Variants in KRT4 observed in about 807,000 individuals in gnomAD.
The protein encoded by KRT4 is keratin, type II cytoskeletal 4.
Under a neutral mutation model 50.6 loss-of-function variants are expected in KRT4, and 47 were observed. The ratio of observed to expected loss-of-function variants is 0.93; its 90% CI spans 0.73 to 1.18. KRT4 has a LOEUF of 1.18. Among genes scored for constraint, KRT4 ranks in the 50% most tolerant of loss-of-function variants. The pLI is 0.00. For missense variants in KRT4, 651 were observed against 645.7 expected, an observed-to-expected ratio of 1.01 and a Z score of -0.09; for synonymous variants, 254 against 251.2, an observed-to-expected ratio of 1.01 and a Z score of -0.10.
rs1285611738 is a variant in KRT4, at chr12:52,807,691, G to A, written c.1299C>T (p.Asp433=). Residue 433 remains aspartate (D), a synonymous_variant, in exon 7 of 9, where the codon GAC becomes GAT. Transcript: ENST00000551956. ...GTTTGCGGTAGGTGGCGATCTCGAT[G>A]TCCAAGGCCAGCTTCACACTCATGA... is the stretch of plus-strand genomic sequence containing the variant. ...QELMSVKLAL[D]IEIATYRKLL... 6.2e-7 allele frequency: 1 copy of A among 1,614,130 alleles called. No individual in the cohort carries two copies. The highest frequency in any genetic ancestry group is 1.7e-5 in the Admixed American group (1 of 60,022).
rs1371147132 is a variant in KRT4, at chr12:52,813,891, CCT to C, written c.166_167del (p.Arg56GlyfsTer40). On this transcript the variant is annotated frameshift_variant, in exon 1 of 9. Coordinates refer to ENST00000551956, the MANE Select transcript of KRT4 (RefSeq NM_002272.4). LOFTEE classifies it high-confidence loss of function. ...CACTCATGGAGATGCTTTTGTTCCC[CCT>C]GAGGTTGTAGAGGCTTCTGCTGCCA... ...GFGSRSLYNL[R>X]GNKSISMSVA... is the part of the protein sequence containing the mutation. The C allele has an allele frequency of 2.6e-6, 3 of 1,136,426 alleles. No homozygotes were observed. Among genetic ancestry groups the C allele is most frequent in the Non-Finnish European group, 3.3e-6 (3 of 922,714 alleles). 70.4% of individuals were successfully genotyped at this position (1,136,426 alleles called of 1,614,324 possible). A position where few individuals can be genotyped will look rare whatever the true frequency, so the allele number is the denominator to read the frequency against.
At position 52,807,026 on chromosome 12, in the gene KRT4, T is replaced by C. The variant is rs1369746409; in HGVS notation, c.*43A>G. The C allele has an allele frequency of 6.3e-7, 1 of 1,599,774 alleles. No homozygotes were observed. The highest frequency in any genetic ancestry group is 8.6e-7 in the Non-Finnish European group (1 of 1,167,122). On this transcript the variant is annotated 3_prime_UTR_variant, in exon 9 of 9. Transcript: ENST00000551956. ...GAAGGAAGCACAGAGACACCAGTGC[T>C]GGGCCCAGCTGGACACAGTGAGCTG...
intron 4 of KRT4, 70 bp downstream of exon 4, chr12:52,809,313 A>C: frequency 8.2e-7 from 1 of 1,218,970 alleles, no homozygotes; most frequent in South Asian, 1.2e-5. Flanking sequence ...AAAAACTGTG[A>C]ATCCCAACCA....
chr12:52,807,362 T>C lies in KRT4; in HGVS notation c.1378A>G (p.Ile460Val). ...AGCAGGCGTGGAAGGTACTTACAGA[T>C]GCTCACGGCACTCTGGCATTCTCCA... ...MSGECQSAVSISVVSGSTSTG... is the reference protein window; with the variant it reads ...MSGECQSAVSVSVVSGSTSTG... Residue 460 changes from isoleucine to valine, a missense_variant, in exon 8 of 9, where the codon ATC becomes GTC. By Grantham distance (29) the Ile-to-Val change is conservative. Transcript: ENST00000551956. 1 of 1,614,188 alleles carries C rather than the reference T, an allele frequency of 6.2e-7. No individual in the cohort carries two copies.
chr12:52,812,576 G>T (rs184399703), intron 1 of KRT4, among the ~76,000 whole-genome samples: 40 of 152,276 alleles, frequency 2.6e-4, no homozygotes, highest in Admixed American at 5.2e-4. Context: ...CAGGACAGCA[G>T]CTTAGCATGA....
Position 52,810,737 on chromosome 12 carries a change from A to G in KRT4, c.738+19T>C, listed in dbSNP as rs1205433751. ...AAGGGGCACCCTGAAGGCACTCCCT[A>G]CCATCCTTCGTCTCTTACCTTCTTT... On this transcript the variant is annotated intron_variant, in intron 3 of 8. Coordinates refer to ENST00000551956, the MANE Select transcript of KRT4 (RefSeq NM_002272.4). The G allele has an allele frequency of 1.2e-6, 2 of 1,611,228 alleles. No homozygotes were observed. The highest frequency in any genetic ancestry group is 8.5e-7 in the Non-Finnish European group (1 of 1,177,716).
At chr12:52,808,473 C>T (rs1939847113) in intron 5 of KRT4, 54 bp from the exon 6 acceptor site, 3 of 1,610,782 alleles carry the variant, frequency 1.9e-6, no homozygotes, top group South Asian at 1.1e-5. Context: ...TGGGTAGGGT[C>T]CATTCTCAAG....
chr12:52,811,497 C>T (rs1390810008), intron 2 of KRT4: 11 of 480,256 alleles, frequency 2.3e-5, no homozygotes, highest in East Asian at 2.1e-4. Flanking sequence ...TACTATACTG[C>T]TTTTCATCTA....
intron 6 of KRT4, 45 bp downstream of exon 6, chr12:52,808,249 G>A: frequency 6.2e-7 from 1 of 1,611,346 alleles, no homozygotes; most frequent in East Asian, 2.2e-5. Flanking sequence ...ATGTCTGCCT[G>A]AGGCCCCTGG....
intron 1 of KRT4, 136 bp downstream of exon 1, chr12:52,813,461 C>T: frequency 1.3e-6 from 1 of 798,610 alleles, no homozygotes; most frequent in Admixed American, 2.0e-5. Context: ...CATGATGCCC[C>T]TTCAACAGCT....
intron 2 of KRT4, 78 bp downstream of exon 2, chr12:52,811,685 C>T (rs1418152410): frequency 8.4e-7 from 1 of 1,196,312 alleles, no homozygotes; most frequent in African/African-American, 1.5e-5. Context: ...GATTCTAAGC[C>T]ACTGGAGAGA....
At chr12:52,809,083 G>A (rs1018823306) in intron 4 of KRT4, 9 of 635,360 alleles carry the variant, frequency 1.4e-5, no homozygotes, top group Non-Finnish European at 2.3e-5. Flanking sequence ...CCGGTGTGTT[G>A]GAATGGAAGG....
chr12:52,807,814 A>G lies in KRT4; in HGVS notation c.1176T>C (p.Asn392=). Reference sequence around the variant, plus strand: ...GCTTGCTGTGGGCATCTTTAAGGGCATTCTCACCTCGCTGCTCTGCATCAG... The same window carrying G: ...GCTTGCTGTGGGCATCTTTAAGGGCGTTCTCACCTCGCTGCTCTGCATCAG... ...SVADAEQRGE[N]ALKDAHSKRV... is the part of the protein sequence containing the mutation. The change falls in exon 7 of 9, where the codon AAT becomes AAC. Residue 392 remains asparagine (N), a synonymous_variant. Coordinates refer to ENST00000551956, the MANE Select transcript of KRT4 (RefSeq NM_002272.4). The G allele has an allele frequency of 6.2e-7, 1 of 1,614,158 alleles. No individual in the cohort carries two copies. The highest frequency in any genetic ancestry group is 8.5e-7 in the Non-Finnish European group (1 of 1,180,046).
intron 7 of KRT4, 66 bp downstream of exon 7, chr12:52,807,578 G>T: frequency 1.3e-6 from 2 of 1,558,884 alleles, no homozygotes; most frequent in South Asian, 2.2e-5. Context: ...CCCGGCAGAG[G>T]CATAAATAAG....
intron 2 of KRT4, 167 bp downstream of exon 2, chr12:52,811,596 A>C: frequency 1.5e-6 from 1 of 646,784 alleles, no homozygotes; most frequent in Non-Finnish European, 2.8e-6. Flanking sequence ...TGGTTACCAG[A>C]CCTCACCCTG....
intron 2 of KRT4, 182 bp from the exon 3 acceptor site, chr12:52,810,998 G>A (rs773365930): frequency 3.1e-5 from 19 of 611,816 alleles, no homozygotes; most frequent in Admixed American, 7.7e-5. Context: ...GGAAGTACCC[G>A]TTTAGGCCAG....
chr12:52,807,585 T>C, intron 7 of KRT4, 59 bp downstream of exon 7: 1 of 1,582,666 alleles, frequency 6.3e-7, no homozygotes, highest in South Asian at 1.1e-5. Context: ...GAGGCATAAA[T>C]AAGCTCATGG....
intron 3 of KRT4, among the ~76,000 whole-genome samples, chr12:52,809,777 C>A (rs530406075): frequency 1.3e-5 from 2 of 152,304 alleles, no homozygotes; most frequent in South Asian, 4.1e-4. Context: ...GAAAAGAAAT[C>A]ATTGTAACAA....
rs773351824 is a variant in KRT4, at chr12:52,807,270, GAC to G, written c.1382-22_1382-21del. 24 of 1,614,008 alleles carry G rather than the reference GAC, an allele frequency of 1.5e-5. No individual in the cohort carries two copies. The highest frequency in any genetic ancestry group is 1.5e-4 in the African/African-American group (11 of 74,888). Reference sequence around the variant, plus strand: ...CCACAGCTGCAGAAAAGACACAAAAGACACAGTTATTCCAATGCTGCCAGCAC... The same window carrying G: ...CCACAGCTGCAGAAAAGACACAAAAGACAGTTATTCCAATGCTGCCAGCAC... On this transcript the variant is annotated intron_variant, in intron 8 of 8. Coordinates refer to ENST00000551956, the MANE Select transcript of KRT4 (RefSeq NM_002272.4).
Sources: gnomAD v4.1 joint callset for allele counts (sites outside exome capture counted in the v4.1 genomes callset) on GRCh38, gnomAD v4.1.1 for gene constraint, MANE v1.5 for transcripts, NCBI Gene and HGNC (gene_info 2026-07-23, HGNC 2026-07-21) for gene names.